Variants in FREM2 observed in about 807,000 individuals in gnomAD.
The protein encoded by FREM2 is FRAS1 related extracellular matrix 2, also known as FRAS1-related extracellular matrix protein 2.
In FREM2, 119 loss-of-function variants were observed where a neutral mutation model predicts 219.9. That is an observed-to-expected ratio of 0.54 (90% CI 0.47 to 0.63). The LOEUF is 0.63. FREM2 is among the 30% of genes least tolerant of loss of function. The probability of loss-of-function intolerance (pLI) is 0.00; values close to 1 mark genes in which losing one functional copy is unlikely to be tolerated. For missense variants in FREM2, 4,030 were observed against 3,993.6 expected, an observed-to-expected ratio of 1.01 and a Z score of -0.25; for synonymous variants, 1,562 against 1,522.8, an observed-to-expected ratio of 1.03 and a Z score of -0.60.
At chr13:38,723,296 G>T (rs896791332) in intron 2 of FREM2, among the ~76,000 whole-genome samples, 2 of 152,008 alleles carry the variant, frequency 1.3e-5, no homozygotes, top group African/African-American at 4.8e-5. Flanking sequence ...GTGGGAATGT[G>T]TCTATGTCAA....
rs938622960 is a variant in FREM2 at position 38,882,531 on chromosome 13, T to A, written c.*1744T>A. 1 of 152,190 alleles carries A rather than the reference T, an allele frequency of 6.6e-6. No individual in the cohort carries two copies. The highest frequency in any genetic ancestry group is 2.4e-5 in the African/African-American group (1 of 41,462). The allele number at this position is 152,190 out of a possible 1,614,324, so 9.4% of individuals were successfully genotyped here. A position where few individuals can be genotyped will look rare whatever the true frequency, so the allele number is the denominator to read the frequency against. On this transcript the variant is annotated 3_prime_UTR_variant, in exon 24 of 24. Coordinates refer to ENST00000280481, the MANE Select transcript of FREM2 (RefSeq NM_207361.6). ...GCTCTGCACTTCATGTTCAGTTTTT[T>A]AAAAATAGACTGTAGTATCCTTTCA...
intron 6 of FREM2, among the ~76,000 whole-genome samples, chr13:38,797,813 G>A (rs1874853181): frequency 6.6e-6 from 1 of 151,978 alleles, no homozygotes; most frequent in Non-Finnish European, 1.5e-5. Context: ...TTTTGTATAT[G>A]GTGAGAGACA....
chr13:38,744,356 G>A (rs1872377638), intron 2 of FREM2, among the ~76,000 whole-genome samples: 1 of 151,624 alleles, frequency 6.6e-6, no homozygotes, highest in South Asian at 2.1e-4. Context: ...GAGTACTGGT[G>A]TACATCATTG....
In FREM2 at chr13:38,846,710, C is replaced by T. The variant is rs767742573; in HGVS notation, c.6157C>T (p.Pro2053Ser). ...AGTGAGGTCTCGGAAAACAGATCCT[C>T]CCTCTGCAGATGGTGAGCAGTTTCC... ...VTVRSRKTDP[P>S]SADAGTDYVG... is the part of the protein sequence containing the mutation. Residue 2053 changes from proline (P) to serine (S), a missense_variant, in exon 7 of 24, where the codon CCC (proline) becomes TCC (serine). Around this residue, in one of 2 missense-constraint regions of FREM2, gnomAD observed 3,102 missense variants for 2,950.7 expected, o/e 1.05. Transcript: ENST00000280481. The T allele has an allele frequency of 6.2e-7, 1 of 1,613,692 alleles. No individual in the cohort carries two copies. Among genetic ancestry groups the T allele is most frequent in the Non-Finnish European group, 8.5e-7 (1 of 1,179,740 alleles).
chr13:38,837,332 C>T (rs1447484958), intron 6 of FREM2, among the ~76,000 whole-genome samples: 1 of 152,130 alleles, frequency 6.6e-6, no homozygotes, highest in Non-Finnish European at 1.5e-5. Context: ...CATTCTTTTG[C>T]ATTTGCTGAG....
chr13:38,688,535 C>T lies in FREM2; in HGVS notation c.1191C>T (p.Pro397=), dbSNP rs199831729. The change falls in exon 1 of 24, where the codon CCC becomes CCT. Residue 397 remains proline (P), a synonymous_variant. Transcript: ENST00000280481. The part of the protein sequence containing the change: ...DLRLLKIAYQ[P]PSEDSDQERL... The stretch of plus-strand genomic sequence containing the variant: ...GGCTCCTGAAGATTGCCTACCAGCC[C>T]CCTTCTGAAGACTCTGACCAGGAGC... 307 of 1,613,946 alleles carry T rather than the reference C, an allele frequency of 1.9e-4. No individual in the cohort carries two copies. The highest frequency in any genetic ancestry group is 2.4e-4 in the Non-Finnish European group (284 of 1,179,930).
At position 38,734,795 on chromosome 13, in the gene FREM2, G is replaced by C. The variant is rs1188682241; in HGVS notation, c.5264-29509G>C. Reference sequence around the variant, plus strand: ...ACAGTCTCACTCTGTTGCACAGGCTGGAGTGCAGTGGCACGATCTCAGCTC... The same window carrying C: ...ACAGTCTCACTCTGTTGCACAGGCTCGAGTGCAGTGGCACGATCTCAGCTC... On this transcript the variant is annotated intron_variant, in intron 2 of 23. Transcript: ENST00000280481. Among the ~76,000 whole-genome samples, 6 of 127,408 alleles carry C rather than the reference G, an allele frequency of 4.7e-5. No homozygotes were observed. In the Admixed American group the frequency reaches 5.0e-4, roughly 11 times the overall value. The allele number at this position is 127,408 out of a possible 152,430, so 83.6% of individuals were successfully genotyped here.
chr13:38,839,336 T>C (rs143692351), intron 6 of FREM2, among the ~76,000 whole-genome samples: 1,553 of 152,292 alleles, frequency 0.01, 23 homozygotes, highest in African/African-American at 0.035. Context: ...CTCTGGAAGC[T>C]TCATCCCAGA....
Position 38,735,589 on chromosome 13 carries a change from G to T in FREM2, c.5264-28715G>T, listed in dbSNP as rs531209549. Among the ~76,000 whole-genome samples the T allele has an allele frequency of 3.1e-4, 47 of 151,864 alleles. 1 individual carries two copies. The South Asian group carries it at 9.4e-3, about 30-fold the overall frequency. ...ATCACAGCAGGAAATTATAGCAAGC[G>T]CTTAAAAAAAATGCATACTCAGGAA... On this transcript the variant is annotated intron_variant, in intron 2 of 23. Coordinates refer to ENST00000280481, the MANE Select transcript of FREM2 (RefSeq NM_207361.6).
intron 2 of FREM2, among the ~76,000 whole-genome samples, chr13:38,719,962 C>T (rs1373164085): frequency 6.6e-6 from 1 of 152,110 alleles, no homozygotes; most frequent in Non-Finnish European, 1.5e-5. Context: ...CAAAAGTCTT[C>T]AAGAATCCCA....
intron 2 of FREM2, among the ~76,000 whole-genome samples, chr13:38,763,780 G>A (rs74934805): frequency 0.014 from 2,169 of 152,230 alleles, 70 homozygotes; most frequent in African/African-American, 0.051. Context: ...TTGCTCTAAG[G>A]AATGGAGTGG....
chr13:38,864,176 T>G (rs1877864241), intron 15 of FREM2, 99 bp from the exon 16 acceptor site: 2 of 944,866 alleles, frequency 2.1e-6, no homozygotes, highest in Non-Finnish European at 3.3e-6. Flanking sequence ...TGTATGGCAT[T>G]TTATGACACT....
rs766908727 is a variant in FREM2, at chr13:38,689,297, C to A, written c.1953C>A (p.Gly651=). 1 of 1,614,102 alleles carries A rather than the reference C, an allele frequency of 6.2e-7. No homozygotes were observed. Among genetic ancestry groups the A allele is most frequent in the African/African-American group, 1.3e-5 (1 of 75,006 alleles). The part of the protein sequence containing the change: ...TEWQQQDITE[G]RLFYRHSGPH... ...GGCAGCAGCAGGACATAACAGAGGG[C>A]AGGCTGTTCTATAGACACTCTGGGC... The change falls in exon 1 of 24, where the codon GGC becomes GGA. Residue 651 remains glycine, a synonymous_variant. Transcript: ENST00000280481.
intron 4 of FREM2, among the ~76,000 whole-genome samples, chr13:38,771,099 G>A (rs894650477): frequency 2.0e-5 from 3 of 152,108 alleles, no homozygotes; most frequent in Non-Finnish European, 4.4e-5. Flanking sequence ...AAAAGACTAA[G>A]CATAATTAAA....
chr13:38,846,776 T>C lies in FREM2; in HGVS notation c.6169+54T>C, dbSNP rs574376154. 4.5e-5 allele frequency: 71 copies of C among 1,587,410 alleles called. No homozygotes were observed. The East Asian group carries it at 1.5e-3, about 33-fold the overall frequency. ...ATTGTTCTGCAATTTTCAATGACCA[T>C]GGCACAAATTTATTTAAAGCTGAAA... On this transcript the variant is annotated intron_variant, in intron 7 of 23. Coordinates refer to ENST00000280481, the MANE Select transcript of FREM2 (RefSeq NM_207361.6).
chr13:38,733,804 A>G (rs1397823982), intron 2 of FREM2, among the ~76,000 whole-genome samples: 2 of 152,142 alleles, frequency 1.3e-5, no homozygotes, highest in African/African-American at 4.8e-5. Flanking sequence ...CTCCACATCC[A>G]ACCTGTCTTA....
chr13:38,801,448 T>C (rs1875003081), intron 6 of FREM2, among the ~76,000 whole-genome samples: 1 of 152,226 alleles, frequency 6.6e-6, no homozygotes, highest in Non-Finnish European at 1.5e-5. Flanking sequence ...GTGCATCTGG[T>C]GTAACTATTG....
intron 6 of FREM2, among the ~76,000 whole-genome samples, chr13:38,829,538 A>G (rs9548466): frequency 0.074 from 11,278 of 152,122 alleles, 714 homozygotes; most frequent in Admixed American, 0.18. Context: ...TACAAACACT[A>G]TGATACATAA....
In FREM2 at chr13:38,769,508, G is replaced by C. The variant is rs554261407; in HGVS notation, c.5411-70G>C. 2.7e-4 allele frequency: 382 copies of C among 1,389,358 alleles called. 2 individuals are homozygous for C. In the South Asian group the frequency reaches 4.4e-3, roughly 16 times the overall value. 86.1% of individuals were successfully genotyped at this position (1,389,358 alleles called of 1,614,324 possible). A position where few individuals can be genotyped will look rare whatever the true frequency, so the allele number is the denominator to read the frequency against. ...TTCAGGATAAAATGACATGCAAAAA[G>C]TTAACAAGGAAAATCTTAATAATCC... On this transcript the variant is annotated intron_variant, in intron 3 of 23. Coordinates refer to ENST00000280481, the MANE Select transcript of FREM2 (RefSeq NM_207361.6).
Sources: gnomAD v4.1 joint callset for allele counts (sites outside exome capture counted in the v4.1 genomes callset) on GRCh38, gnomAD v4.1.1 for gene constraint, gnomAD v4.1.1 regional missense constraint, MANE v1.5 for transcripts, NCBI Gene and HGNC (gene_info 2026-07-23, HGNC 2026-07-21) for gene names.